Variants in MAEA observed in about 807,000 individuals in gnomAD.
MAEA encodes macrophage erythroblast attacher, E3 ubiquitin ligase.
A neutral mutation model predicts 46.2 loss-of-function variants in MAEA; 22 were observed. The observed-to-expected ratio is 0.48, with a 90% CI of 0.34 to 0.68. The LOEUF is 0.68. Among genes scored for constraint, MAEA ranks in the 30% least tolerant of loss-of-function variants. The pLI is 0.01. For missense variants in MAEA, 393 were observed against 558.1 expected (o/e 0.70, Z 2.98); for synonymous variants, 246 against 222.6 (o/e 1.11, Z -0.94).
chr4:1,319,081 G>GGGC (rs1431603683), intron 3 of MAEA, among the ~76,000 whole-genome samples: 1 of 152,216 alleles, frequency 6.6e-6, no homozygotes, highest in African/African-American at 2.4e-5. Flanking sequence ...GCTGGACGCA[G>GGGC]GGCTCTCAAC....
intron 8 of MAEA, 69 bp from the exon 9 acceptor site, chr4:1,339,005 A>C: frequency 7.8e-7 from 1 of 1,274,054 alleles, no homozygotes; most frequent in South Asian, 1.2e-5. Context: ...CATTGTGGGG[A>C]TTTTCCATGG....
In MAEA at chr4:1,306,581, G is replaced by T. The variant is rs192095411; in HGVS notation, c.70-5398G>T. On this transcript the variant is annotated intron_variant, in intron 1 of 8. Transcript: ENST00000303400. The stretch of plus-strand genomic sequence containing the variant: ...CGTAATACTGAGGCTGCAGGAGTTG[G>T]CTGTATTCCAGATGGAAGCCCTTTG... 7.9e-5 allele frequency among the ~76,000 whole-genome samples: 12 copies of T among 152,322 alleles called. No individual in the cohort carries two copies. In the East Asian group the frequency reaches 2.3e-3, roughly 29 times the overall value.
rs765487024 is a variant in MAEA, at chr4:1,336,849, T to A, written c.766-12T>A. 1.2e-6 allele frequency: 2 copies of A among 1,612,308 alleles called. No individual in the cohort carries two copies. The highest frequency in any genetic ancestry group is 3.3e-5 in the Admixed American group (2 of 59,894). On this transcript the variant is annotated splice_polypyrimidine_tract_variant and intron_variant, in intron 6 of 8. Coordinates refer to ENST00000303400, the MANE Select transcript of MAEA (RefSeq NM_001017405.3). Reference sequence around the variant, plus strand: ...GGAGCATCCCCAGGACCCTCTGCTCTCTGTCTTCCAGGACCTTCTGGACCC... The same window carrying A: ...GGAGCATCCCCAGGACCCTCTGCTCACTGTCTTCCAGGACCTTCTGGACCC...
chr4:1,329,132 G>A (rs541531100), intron 5 of MAEA: 62 of 985,526 alleles, frequency 6.3e-5, no homozygotes, highest in Non-Finnish European at 6.9e-5. Context: ...TGTCCATCCC[G>A]GAGTCCCTCC....
rs1285727640 is a variant in MAEA, at chr4:1,332,865, G to A, written c.765G>A (p.Lys255=). 1 of 1,607,254 alleles carries A rather than the reference G, an allele frequency of 6.2e-7. No individual in the cohort carries two copies. The highest frequency in any genetic ancestry group is 8.5e-7 in the Non-Finnish European group (1 of 1,175,508). ...CCGACACGCACATCTCCCCGTACAA[G>A]GTAGGGCGTGCGTCCCTGGGGTCGG... is the stretch of plus-strand genomic sequence containing the variant. ...FPPDTHISPY[K]DLLDPARWRM... Residue 255 remains lysine (K), a splice_region_variant and synonymous_variant, in exon 6 of 9, where the codon AAG becomes AAA. Coordinates refer to ENST00000303400, the MANE Select transcript of MAEA (RefSeq NM_001017405.3).
chr4:1,327,656 G>A lies in MAEA; in HGVS notation c.609G>A (p.Gln203=), dbSNP rs752433580. The change falls in exon 5 of 9, where the codon CAG becomes CAA. Residue 203 remains glutamine (Q), a synonymous_variant. Coordinates refer to ENST00000303400, the MANE Select transcript of MAEA (RefSeq NM_001017405.3). Reference sequence around the variant, plus strand: ...GCCTGGAGTTCAGCCTCAGAATCCAGGAGTTCATTGAACTCATCCGGCAGA... The same window carrying A: ...GCCTGGAGTTCAGCCTCAGAATCCAAGAGTTCATTGAACTCATCCGGCAGA... ...KSCLEFSLRI[Q]EFIELIRQNK... The A allele has an allele frequency of 1.2e-6, 2 of 1,613,950 alleles. No homozygotes were observed. The highest frequency in any genetic ancestry group is 1.1e-5 in the South Asian group (1 of 91,088).
intron 1 of MAEA, among the ~76,000 whole-genome samples, chr4:1,308,866 T>G (rs1736096670): frequency 6.6e-6 from 1 of 152,228 alleles, no homozygotes; most frequent in African/African-American, 2.4e-5. Flanking sequence ...TTTACTCTGT[T>G]GGTTTTTCCT....
rs1372433020 is a variant in MAEA at position 1,318,114 on chromosome 4, TC to T, written c.456+2519del. Among the ~76,000 whole-genome samples the T allele has an allele frequency of 3.3e-5, 5 of 152,102 alleles. No individual in the cohort carries two copies. In the East Asian group the frequency reaches 5.8e-4, roughly 18 times the overall value. ...CCTCCCTGGCCCCGTGTGCCCGGCTTCCCCCAATGCACAGGCCCTCGCTCCG... is the reference window on the plus strand; with the variant it reads ...CCTCCCTGGCCCCGTGTGCCCGGCTTCCCCAATGCACAGGCCCTCGCTCCG... On this transcript the variant is annotated intron_variant, in intron 3 of 8. Transcript: ENST00000303400.
intron 1 of MAEA, among the ~76,000 whole-genome samples, chr4:1,305,570 G>A (rs1006139280): frequency 6.6e-6 from 1 of 152,146 alleles, no homozygotes; most frequent in Non-Finnish European, 1.5e-5. Context: ...AGAACTAAGC[G>A]CTTTTTCCAG....
intron 6 of MAEA, chr4:1,335,557 C>T (rs1712639023): frequency 1.1e-6 from 1 of 877,818 alleles, no homozygotes; most frequent in African/African-American, 1.8e-5. Flanking sequence ...GCACTGGCCC[C>T]ACAGTGTGTT....
At position 1,311,080 on chromosome 4, in the gene MAEA, G is replaced by T. The variant is rs1283949296; in HGVS notation, c.70-899G>T. ...CGAGAGTCTGTCCTCCCATGGTTGGGCACGGCTGGAGAGGAGGCGAGGTGG... is the reference window on the plus strand; with the variant it reads ...CGAGAGTCTGTCCTCCCATGGTTGGTCACGGCTGGAGAGGAGGCGAGGTGG... On this transcript the variant is annotated intron_variant, in intron 1 of 8. Transcript: ENST00000303400. The surrounding 1 kb of genome is among the most constrained non-coding windows in gnomAD (Gnocchi z 4.4). Among the ~76,000 whole-genome samples, 9 of 152,106 alleles carry T rather than the reference G, an allele frequency of 5.9e-5. No homozygotes were observed. Among genetic ancestry groups the T allele is most frequent in the African/African-American group, 1.9e-4 (8 of 41,408 alleles).
At chr4:1,323,167 G>C (rs1738370425) in intron 4 of MAEA, among the ~76,000 whole-genome samples, 1 of 151,900 alleles carries the variant, frequency 6.6e-6, no homozygotes, top group South Asian at 2.1e-4. Context: ...GGATGGTCTT[G>C]ATCTCCTGAC....
chr4:1,327,563 GC>G, intron 4 of MAEA, 63 bp from the exon 5 acceptor site: 1 of 1,176,076 alleles, frequency 8.5e-7, no homozygotes, highest in Admixed American at 1.7e-5. Context: ...TGCGGGTGCG[GC>G]ACCCGGGCAC....
intron 4 of MAEA, chr4:1,323,440 T>A (rs1453045910): frequency 2.8e-6 from 2 of 701,760 alleles, no homozygotes; most frequent in African/African-American, 3.5e-5. Flanking sequence ...TCACCCTGGC[T>A]GAGTTTGGCA....
At chr4:1,310,017 T>G in intron 1 of MAEA, 2 of 1,189,430 alleles carry the variant, frequency 1.7e-6, no homozygotes, top group Non-Finnish European at 2.1e-6. Flanking sequence ...GCTGTGTGGG[T>G]TCCTCCGCGC....
At chr4:1,337,052 T>C in intron 7 of MAEA, 58 bp downstream of exon 7, 1 of 1,588,626 alleles carries the variant, frequency 6.3e-7, no homozygotes, top group African/African-American at 1.3e-5. Context: ...TTTGGTCATA[T>C]TTTAACACGC....
chr4:1,309,535 T>G, intron 1 of MAEA: 1 of 1,395,156 alleles, frequency 7.2e-7, no homozygotes, highest in Non-Finnish European at 9.4e-7. Flanking sequence ...GCTGCGCTCA[T>G]CCCCTGAACT....
intron 4 of MAEA, among the ~76,000 whole-genome samples, chr4:1,325,373 C>G (rs144019016): frequency 6.6e-6 from 1 of 152,224 alleles, no homozygotes; most frequent in Non-Finnish European, 1.5e-5. Context: ...GCCTTGTTGG[C>G]GCTCCACGCC....
At chr4:1,312,422 G>GTT in intron 2 of MAEA, 9 of 225,090 alleles carry the variant, frequency 4.0e-5, no homozygotes, top group South Asian at 5.4e-5. Flanking sequence ...CAGGTTGATT[G>GTT]ATTTTTTTTT....
Sources: gnomAD v4.1 joint callset for allele counts (sites outside exome capture counted in the v4.1 genomes callset) on GRCh38, gnomAD v4.1.1 for gene constraint, Gnocchi (gnomAD v3.1) non-coding constraint, MANE v1.5 for transcripts, NCBI Gene and HGNC (gene_info 2026-07-23, HGNC 2026-07-21) for gene names.